Variants in MX1 observed in about 807,000 individuals in gnomAD.
The protein encoded by MX1 is interferon-induced GTP-binding protein Mx1.
In MX1, 66 loss-of-function variants were observed where a neutral mutation model predicts 66.4. The observed-to-expected ratio is 0.99, with a 90% CI of 0.82 to 1.22. The LOEUF (loss-of-function observed/expected upper bound fraction) is 1.22. Among genes scored for constraint, MX1 ranks in the 50% most tolerant of loss-of-function variants. The probability of loss-of-function intolerance (pLI) is 0.00; values close to 1 mark genes in which losing one functional copy is unlikely to be tolerated. For missense variants in MX1, 787 were observed against 834.3 expected, an observed-to-expected ratio of 0.94 and a Z score of 0.70; for synonymous variants, 311 against 318.1, an observed-to-expected ratio of 0.98 and a Z score of 0.24.
rs11317486 is a variant in MX1 at position 41,444,318 on chromosome 21, C to CTTTTTTTTTTTTTTT, written c.1008+464_1008+478dup. ...AATTTTCTTTTCTTTTCTTTTCTTT[C>CTTTTTTTTTTTTTTT]TTTTTTTTTTTTTTTTTTTTTTTTT... On this transcript the variant is annotated intron_variant, in intron 11 of 16. Coordinates refer to ENST00000398598, the MANE Select transcript of MX1 (RefSeq NM_002462.5). Among the ~76,000 whole-genome samples the CTTTTTTTTTTTTTTT allele has an allele frequency of 4.8e-4, 34 of 71,548 alleles. 1 individual carries two copies. The highest frequency in any genetic ancestry group is 9.9e-4 in the Admixed American group (5 of 5,034). 46.9% of individuals were successfully genotyped at this position (71,548 alleles called of 152,430 possible).
At chr21:41,424,262 T>TGTGTGTGTG (rs1568960663), upstream of MX1, among the ~76,000 whole-genome samples, 16 of 144,110 alleles carry the variant, frequency 1.1e-4, no homozygotes, top group South Asian at 8.7e-4. Context: ...TGTGTGTGTG[T>TGTGTGTGTG]TAAAGTGAGG....
In MX1 at chr21:41,432,201, T is replaced by C. The variant is rs1225426219; in HGVS notation, c.105+26T>C. 2.5e-6 allele frequency: 4 copies of C among 1,606,586 alleles called. No individual in the cohort carries two copies. The South Asian group carries it at 4.4e-5, about 18-fold the overall frequency. On this transcript the variant is annotated intron_variant, in intron 5 of 16. Coordinates refer to ENST00000398598, the MANE Select transcript of MX1 (RefSeq NM_002462.5). The stretch of plus-strand genomic sequence containing the variant: ...GTAAGTTGCTCTCTGAAAGTCGCTA[T>C]CCATGTGACATGAGCCATGCCCATT...
intron 5 of MX1, among the ~76,000 whole-genome samples, chr21:41,433,017 A>G (rs1388181387): frequency 1.3e-5 from 2 of 152,172 alleles, no homozygotes; most frequent in African/African-American, 4.8e-5. Flanking sequence ...ATGTCAGGGT[A>G]TGGGGCAGGA....
exon 1 of MX1, chr21:41,420,641 G>A (rs1361493119): frequency 2.0e-5 from 3 of 152,346 alleles, no homozygotes; most frequent in Non-Finnish European, 4.4e-5. Flanking sequence ...GCCCAGTGCA[G>A]GATCCTGAGG....
chr21:41,429,252 T>C (rs1482133546), intron 3 of MX1: 1 of 152,136 alleles, frequency 6.6e-6, no homozygotes, highest in Non-Finnish European at 1.5e-5. Flanking sequence ...AAATCCAAAC[T>C]GATGTTCCGA....
At chr21:41,445,768 T>C (rs2090644465) in intron 12 of MX1, 198 bp downstream of exon 12, 7 of 827,434 alleles carry the variant, frequency 8.5e-6, no homozygotes, top group Non-Finnish European at 1.3e-5. Context: ...CAGCGAGGGA[T>C]GCTCAGGCTG....
At chr21:41,433,083 T>G (rs1470388579) in intron 5 of MX1, among the ~76,000 whole-genome samples, 2 of 152,220 alleles carry the variant, frequency 1.3e-5, no homozygotes, top group African/African-American at 4.8e-5. Flanking sequence ...CCTTTTCCAG[T>G]CAAGGAGAAC....
At chr21:41,443,955 C>T in intron 11 of MX1, 89 bp downstream of exon 11, 2 of 1,196,146 alleles carry the variant, frequency 1.7e-6, no homozygotes, top group Non-Finnish European at 2.5e-6. Flanking sequence ...TCACTGTACA[C>T]ACAGATCTTC....
intron 16 of MX1, among the ~76,000 whole-genome samples, chr21:41,458,203 G>A (rs548420832): frequency 6.6e-6 from 1 of 152,288 alleles, no homozygotes; most frequent in South Asian, 2.1e-4. Flanking sequence ...GACCAGGCTG[G>A]TCTGGAAATG....
rs751310707 is a variant in MX1 at position 41,458,788 on chromosome 21, A to G, written c.*30A>G. The stretch of plus-strand genomic sequence containing the variant: ...ACTCTGTCCAGCCCCGTAGACGTGC[A>G]CGCACACTGTCTGCCCCCGTTCCCG... On this transcript the variant is annotated 3_prime_UTR_variant, in exon 17 of 17. Coordinates refer to ENST00000398598, the MANE Select transcript of MX1 (RefSeq NM_002462.5). 1 of 1,596,266 alleles carries G rather than the reference A, an allele frequency of 6.3e-7. No individual in the cohort carries two copies. The highest frequency in any genetic ancestry group is 8.5e-7 in the Non-Finnish European group (1 of 1,173,212).
In MX1 at chr21:41,441,629, C is replaced by G. The variant is rs2090515082; in HGVS notation, c.731-87C>G. 1 of 1,416,096 alleles carries G rather than the reference C, an allele frequency of 7.1e-7. No homozygotes were observed. Among genetic ancestry groups the G allele is most frequent in the Non-Finnish European group, 1.0e-6 (1 of 1,004,258 alleles). 87.7% of individuals were successfully genotyped at this position (1,416,096 alleles called of 1,614,324 possible). On this transcript the variant is annotated intron_variant, in intron 9 of 16. Transcript: ENST00000398598. This position sits in a 1 kb window ranked among gnomAD's most constrained non-coding sequence, Gnocchi z 4.0. ...CCTCAAGCAAGGATGGGAGGAAACC[C>G]TGGGAGGCCGGGGGCGTGAGCAGTT...
chr21:41,436,948 G>A, intron 6 of MX1, 67 bp from the exon 7 acceptor site: 1 of 1,561,536 alleles, frequency 6.4e-7, no homozygotes, highest in Non-Finnish European at 8.7e-7. Context: ...TGAGAACCAT[G>A]GGCCTAAGGC....
chr21:41,445,584 G>C lies in MX1; in HGVS notation c.1131+14G>C. 8 of 1,614,088 alleles carry C rather than the reference G, an allele frequency of 5.0e-6. No homozygotes were observed. Among genetic ancestry groups the C allele is most frequent in the Non-Finnish European group, 6.8e-6 (8 of 1,180,016 alleles). ...TTCCTGATAGATGTGAGTGTTGCCA[G>C]CTGCATGGAGCTGGAGAAGCACATG... On this transcript the variant is annotated intron_variant, in intron 12 of 16. Coordinates refer to ENST00000398598, the MANE Select transcript of MX1 (RefSeq NM_002462.5).
chr21:41,430,915 C>T (rs1186675889), intron 4 of MX1, among the ~76,000 whole-genome samples: 4 of 152,138 alleles, frequency 2.6e-5, no homozygotes, highest in African/African-American at 9.7e-5. Flanking sequence ...TTAGAGCTCA[C>T]GTGTTTTTTA....
At chr21:41,430,080 C>T (rs997877909) in intron 3 of MX1, among the ~76,000 whole-genome samples, 3 of 152,244 alleles carry the variant, frequency 2.0e-5, no homozygotes, top group African/African-American at 7.2e-5. Context: ...GGCAGCACTT[C>T]CCAACCTTCC....
At chr21:41,442,634 A>G (rs1037619689) in intron 10 of MX1, 5 of 152,270 alleles carry the variant, frequency 3.3e-5, no homozygotes, top group Non-Finnish European at 7.3e-5. Flanking sequence ...GCCATTACTC[A>G]GAATTCCAGG....
At chr21:41,448,818 G>GA (rs890144079) in intron 13 of MX1, among the ~76,000 whole-genome samples, 2 of 151,036 alleles carry the variant, frequency 1.3e-5, no homozygotes, top group Admixed American at 6.6e-5. Context: ...ACAAACAAAT[G>GA]AAAAAAAAGG....
chr21:41,437,419 G>C (rs1365867046), intron 7 of MX1, among the ~76,000 whole-genome samples: 1 of 152,174 alleles, frequency 6.6e-6, no homozygotes, highest in Non-Finnish European at 1.5e-5. Flanking sequence ...CGGGGGGATT[G>C]CTTGAGCCTA....
At position 41,442,024 on chromosome 21, in the gene MX1, T is replaced by TGTGTGTGTGC. The variant is rs764550165; in HGVS notation, c.929+111_929+112insTGTGTGTGCG. ...TGTGTGGAGTGTGTGTGTGTGTGTG[T>TGTGTGTGTGC]GCGTGTGTGTGTGTGCGCGTGTGTG... On this transcript the variant is annotated intron_variant, in intron 10 of 16. Coordinates refer to ENST00000398598, the MANE Select transcript of MX1 (RefSeq NM_002462.5). 6.1e-6 allele frequency: 6 copies of TGTGTGTGTGC among 987,686 alleles called. No homozygotes were observed. The African/African-American group carries it at 8.0e-5, about 13-fold the overall frequency. 61.2% of individuals were successfully genotyped at this position (987,686 alleles called of 1,614,324 possible). A position where few individuals can be genotyped will look rare whatever the true frequency, so the allele number is the denominator to read the frequency against.
Sources: gnomAD v4.1 joint callset for allele counts (sites outside exome capture counted in the v4.1 genomes callset) on GRCh38, gnomAD v4.1.1 for gene constraint, Gnocchi (gnomAD v3.1) non-coding constraint, MANE v1.5 for transcripts, NCBI Gene and HGNC (gene_info 2026-07-23, HGNC 2026-07-21) for gene names.